Variants in CPOX observed in about 807,000 individuals in gnomAD.
CPOX encodes the protein coproporphyrinogen oxidase, also known as oxygen-dependent coproporphyrinogen-III oxidase, mitochondrial.
Under a neutral mutation model 48.9 loss-of-function variants are expected in CPOX, and 24 were observed. The observed-to-expected ratio is 0.49, with a 90% CI of 0.36 to 0.69. The LOEUF is 0.69. Ranked by LOEUF, CPOX falls within the 30% of genes least tolerant of loss-of-function variation. The pLI is 0.00. For synonymous variants in CPOX, 249 were observed against 234.6 expected (o/e 1.06, Z -0.56); for missense variants, 549 against 597.3 (o/e 0.92, Z 0.84).
intron 1 of CPOX, among the ~76,000 whole-genome samples, chr3:98,592,648 C>T (rs781204885): frequency 6.6e-6 from 1 of 152,122 alleles, no homozygotes; most frequent in South Asian, 2.1e-4. Flanking sequence ...CTTTGGACAT[C>T]TAAGCTTGTT....
the CPOX span, among the ~76,000 whole-genome samples, chr3:98,573,791 T>C: frequency 1.3e-5 from 2 of 152,252 alleles, no homozygotes; most frequent in African/African-American, 4.8e-5. Context: ...TTATTAAACA[T>C]ATTAACATAG....
rs760445886 is a variant in CPOX at position 98,580,633 on chromosome 3, G to A, written c.*50C>T. ...GCAAAGTGCCGACCAGTGGCATGGG[G>A]AGCACACATCGTGTGCCCTCCAAAC... On this transcript the variant is annotated 3_prime_UTR_variant, in exon 7 of 7. Coordinates refer to ENST00000647941, the MANE Select transcript of CPOX (RefSeq NM_000097.7). 6.2e-7 allele frequency: 1 copy of A among 1,611,644 alleles called. No individual in the cohort carries two copies. Among genetic ancestry groups the A allele is most frequent in the South Asian group, 1.1e-5 (1 of 90,758 alleles).
In CPOX at chr3:98,591,111, C is replaced by CA; in HGVS notation, c.600_601insT (p.Glu201Ter). ...ACAGAAATGCTCACCCCAGCCTTTT[C>CA]GAAAACACACCCATCTTGAAGTACA... is the stretch of plus-strand genomic sequence containing the variant. On this transcript the variant is annotated frameshift_variant, in exon 2 of 7. Coordinates refer to ENST00000647941, the MANE Select transcript of CPOX (RefSeq NM_000097.7). LOFTEE classifies it high-confidence loss of function. The CA allele has an allele frequency of 6.2e-7, 1 of 1,614,104 alleles. No homozygotes were observed. Among genetic ancestry groups the CA allele is most frequent in the Non-Finnish European group, 8.5e-7 (1 of 1,180,006 alleles).
chr3:98,577,082 G>A (rs755704231), downstream of CPOX, among the ~76,000 whole-genome samples: 8 of 152,064 alleles, frequency 5.3e-5, no homozygotes, highest in East Asian at 3.9e-4. Context: ...AAGGATGAGC[G>A]GGCACATAAG....
intron 3 of CPOX, among the ~76,000 whole-genome samples, chr3:98,589,127 C>A (rs1189693900): frequency 6.6e-6 from 1 of 152,140 alleles, no homozygotes. Flanking sequence ...CGAGACCAGC[C>A]TGGCCAATAT....
downstream of CPOX, chr3:98,578,173 C>G (rs780420963): frequency 2.8e-5 from 21 of 748,974 alleles, no homozygotes; most frequent in Non-Finnish European, 3.1e-5. Context: ...AAGAGAAATT[C>G]ACTTTGAATA....
chr3:98,588,833 C>G lies in CPOX; in HGVS notation c.833G>C (p.Gly278Ala). The G allele has an allele frequency of 6.2e-7, 1 of 1,614,182 alleles. No homozygotes were observed. The highest frequency in any genetic ancestry group is 8.5e-7 in the Non-Finnish European group (1 of 1,180,028). ...TGTTGGAGTGAGGTCACATCCACCA[C>G]CAAACCACCACTGCTTGTTGCCTAC... ...EADGNKQWWF[G>A]GGCDLTPTYL... Residue 278 changes from glycine to alanine, a missense_variant, in exon 4 of 7, where the codon GGT becomes GCT. Physicochemically the swap from Gly to Ala is moderately conservative, Grantham distance 60. Around this residue, in one of 2 missense-constraint regions of CPOX, gnomAD observed 213 missense variants for 279.1 expected, o/e 0.76. Coordinates refer to ENST00000647941, the MANE Select transcript of CPOX (RefSeq NM_000097.7).
chr3:98,582,815 C>G (rs34791160), intron 5 of CPOX, among the ~76,000 whole-genome samples: 49,928 of 152,060 alleles, frequency 0.33, 8,550 homozygotes, highest in Middle Eastern at 0.45. Context: ...TTTTTAAAAG[C>G]ACCTTTTGTA....
At chr3:98,574,591 G>T (rs752429332), downstream of CPOX, among the ~76,000 whole-genome samples, 83 of 152,104 alleles carry the variant, frequency 5.5e-4, no homozygotes, top group Non-Finnish European at 9.7e-4. Context: ...TTGGTTTTTG[G>T]TTTTTTTTGA....
intron 4 of CPOX, among the ~76,000 whole-genome samples, chr3:98,586,818 C>T (rs1707373212): frequency 6.6e-6 from 1 of 152,138 alleles, no homozygotes; most frequent in African/African-American, 2.4e-5. Context: ...GTGGTGGGCA[C>T]CTGTAGTCCC....
chr3:98,577,890 A>G (rs1487780559), downstream of CPOX, among the ~76,000 whole-genome samples: 1 of 152,234 alleles, frequency 6.6e-6, no homozygotes, highest in East Asian at 1.9e-4. Flanking sequence ...ATGGAAGGAT[A>G]AGTCATAAAG....
At chr3:98,576,117 CTG>C (rs1707159877), downstream of CPOX, among the ~76,000 whole-genome samples, 1 of 141,958 alleles carries the variant, frequency 7.0e-6, no homozygotes, top group South Asian at 2.4e-4. Flanking sequence ...AGAAACAGGT[CTG>C]TGAGTGCATT....
At chr3:98,581,621 C>A in intron 5 of CPOX, 110 bp from the exon 6 acceptor site, 1 of 812,464 alleles carries the variant, frequency 1.2e-6, no homozygotes, top group Non-Finnish European at 2.1e-6. Context: ...TTCCCATCAG[C>A]TGGAACTGGC....
intron 3 of CPOX, 37 bp from the exon 4 acceptor site, chr3:98,588,891 T>C: frequency 1.2e-6 from 2 of 1,613,234 alleles, no homozygotes; most frequent in Non-Finnish European, 1.7e-6. Flanking sequence ...ATGTGGACTT[T>C]TGAGATTCAG....
intron 6 of CPOX, among the ~76,000 whole-genome samples, chr3:98,581,103 A>G (rs372704244): frequency 1.3e-5 from 2 of 152,008 alleles, no homozygotes; most frequent in East Asian, 3.9e-4. Context: ...ACTTATGCAT[A>G]CCTCTTCTCA....
At chr3:98,580,912 G>T in intron 6 of CPOX, 142 bp from the exon 7 acceptor site, 1 of 990,614 alleles carries the variant, frequency 1.0e-6, no homozygotes, top group Non-Finnish European at 1.5e-6. Flanking sequence ...TGCCTGATGT[G>T]CCTTGTACCA....
chr3:98,592,602 T>G (rs1489792350), intron 1 of CPOX, among the ~76,000 whole-genome samples: 1 of 152,140 alleles, frequency 6.6e-6, no homozygotes, highest in African/African-American at 2.4e-5. Flanking sequence ...AGAAAATGTG[T>G]TCCATAATCT....
At chr3:98,589,021 A>G (rs1707422996) in intron 3 of CPOX, among the ~76,000 whole-genome samples, 167 bp from the exon 4 acceptor site, 3 of 152,236 alleles carry the variant, frequency 2.0e-5, no homozygotes, top group South Asian at 4.1e-4. Context: ...CCTAGGCAGA[A>G]AAAAAGAGGT....
At position 98,588,150 on chromosome 3, in the gene CPOX, GTACTT is replaced by G. The variant is rs528808272; in HGVS notation, c.953+558_953+562del. On this transcript the variant is annotated intron_variant, in intron 4 of 6. Transcript: ENST00000647941. ...GCCAATTGGCTCTAAGCAGAATTGAGTACTTTACTCATATTCCAAACAATTTGTGC... is the reference window on the plus strand; with the variant it reads ...GCCAATTGGCTCTAAGCAGAATTGAGTACTCATATTCCAAACAATTTGTGC... Among the ~76,000 whole-genome samples the G allele has an allele frequency of 1.0e-3, 158 of 152,296 alleles. 2 individuals carry two copies. Among genetic ancestry groups the G allele is most frequent in the African/African-American group, 3.7e-3 (154 of 41,562 alleles).
Sources: allele counts gnomAD v4.1 joint callset (sites outside exome capture counted in the v4.1 genomes callset), GRCh38; gene constraint gnomAD v4.1.1; regional missense constraint gnomAD v4.1.1; transcripts MANE v1.5; gene names NCBI Gene and HGNC (gene_info 2026-07-23, HGNC 2026-07-21).